The following PEAK1 variants were observed in gnomAD, a reference collection of about 807,000 sequenced individuals.
The protein encoded by PEAK1 is pseudopodium enriched atypical kinase 1, also known as inactive tyrosine-protein kinase PEAK1.
In PEAK1, 54 loss-of-function variants were observed where a neutral mutation model predicts 124.7. That is an observed-to-expected ratio of 0.43 (90% CI 0.35 to 0.54). The LOEUF (loss-of-function observed/expected upper bound fraction) is 0.54. Ranked by LOEUF, PEAK1 falls within the 20% of genes least tolerant of loss-of-function variation. The pLI, the probability that PEAK1 is intolerant of heterozygous loss-of-function variation, is 0.01. For synonymous variants in PEAK1, 719 were observed against 760.0 expected (o/e 0.95, Z 0.89); for missense variants, 2,046 against 2,134.5 (o/e 0.96, Z 0.82).
intron 1 of PEAK1, among the ~76,000 whole-genome samples, chr15:77,367,581 G>A (rs1407170382): frequency 6.6e-6 from 1 of 152,038 alleles, no homozygotes; most frequent in African/African-American, 2.4e-5. Context: ...TCATCTGTTG[G>A]GTAATTTGAA....
At chr15:77,316,728 AT>A (rs1376279910) in intron 2 of PEAK1, among the ~76,000 whole-genome samples, 3 of 152,222 alleles carry the variant, frequency 2.0e-5, no homozygotes, top group African/African-American at 7.2e-5. Flanking sequence ...AAGTAACAAC[AT>A]AGCTATTAAA....
At chr15:77,143,277 A>T (rs938267670) in intron 8 of PEAK1, among the ~76,000 whole-genome samples, 17 of 152,224 alleles carry the variant, frequency 1.1e-4, no homozygotes, top group Non-Finnish European at 2.4e-4. Flanking sequence ...ATGAAGCACC[A>T]CGGAGAAGGT....
At chr15:77,246,827 G>A (rs1202910089) in intron 6 of PEAK1, among the ~76,000 whole-genome samples, 6 of 152,014 alleles carry the variant, frequency 3.9e-5, no homozygotes, top group African/African-American at 1.4e-4. Context: ...AGACCAGTCT[G>A]GCCAACATAG....
At chr15:77,382,965 T>C (rs1256468341) in intron 1 of PEAK1, among the ~76,000 whole-genome samples, 1 of 151,672 alleles carries the variant, frequency 6.6e-6, no homozygotes, top group African/African-American at 2.4e-5. Context: ...AATGTATTAA[T>C]ACATCAGCTT....
chr15:77,337,501 T>A (rs2066275683), intron 2 of PEAK1: 2 of 984,748 alleles, frequency 2.0e-6, no homozygotes, highest in Non-Finnish European at 2.4e-6. Flanking sequence ...CATCCTGACA[T>A]ACAAAGATCC....
At chr15:77,176,797 C>T (rs761936388) in intron 7 of PEAK1, among the ~76,000 whole-genome samples, 4 of 152,074 alleles carry the variant, frequency 2.6e-5, no homozygotes, top group Non-Finnish European at 4.4e-5. Flanking sequence ...AGAAAGAAGC[C>T]GAACATTTCT....
At position 77,141,872 on chromosome 15, in the gene PEAK1, C is replaced by G. The variant is rs1218730173; in HGVS notation, c.3332-8122G>C. On this transcript the variant is annotated intron_variant, in intron 8 of 9. Transcript: ENST00000682557. ...TGTATGAAAAATTTAAATATAAGAG[C>G]TAAAACTAAAAACTCTTAGAAAAAA... 2.6e-5 allele frequency among the ~76,000 whole-genome samples: 4 copies of G among 151,926 alleles called. No homozygotes were observed. In the South Asian group the frequency reaches 8.3e-4, roughly 32 times the overall value.
intron 1 of PEAK1, among the ~76,000 whole-genome samples, chr15:77,389,020 T>C (rs1045589665): frequency 1.3e-4 from 19 of 150,254 alleles, no homozygotes; most frequent in Admixed American, 9.3e-4. Context: ...TGGAGTGCAA[T>C]GGTGCTATCT....
At chr15:77,323,611 C>T (rs1300150768) in intron 2 of PEAK1, among the ~76,000 whole-genome samples, 2 of 152,154 alleles carry the variant, frequency 1.3e-5, no homozygotes, top group African/African-American at 4.8e-5. Context: ...GAACTACAAA[C>T]CACTGCTCAA....
chr15:77,418,017 T>C, intron 1 of PEAK1: 1 of 976,844 alleles, frequency 1.0e-6, no homozygotes, highest in Non-Finnish European at 1.2e-6. Context: ...AACATATTTT[T>C]TAATGTGATT....
At chr15:77,417,458 G>A in intron 1 of PEAK1, 1 of 870,948 alleles carries the variant, frequency 1.1e-6, no homozygotes, top group Non-Finnish European at 1.4e-6. Flanking sequence ...GGGATGCGGG[G>A]CGGGGGGGGA....
intron 2 of PEAK1, among the ~76,000 whole-genome samples, chr15:77,339,886 T>C (rs1397145679): frequency 6.6e-6 from 1 of 152,202 alleles, no homozygotes; most frequent in African/African-American, 2.4e-5. Flanking sequence ...AATAAGCATA[T>C]GTTAAGAGGC....
chr15:77,274,893 T>C (rs979662840), intron 5 of PEAK1, among the ~76,000 whole-genome samples: 5 of 152,042 alleles, frequency 3.3e-5, no homozygotes, highest in South Asian at 2.1e-4. Context: ...CAATTCAAAA[T>C]TGCAAAAATA....
chr15:77,156,975 C>T (rs2055209884), intron 8 of PEAK1: 1 of 152,080 alleles, frequency 6.6e-6, no homozygotes. Flanking sequence ...GTATGTTTCC[C>T]CTACTCCCAA....
At chr15:77,418,096 T>C (rs548233518) in intron 1 of PEAK1, 1 of 984,146 alleles carries the variant, frequency 1.0e-6, no homozygotes, top group Non-Finnish European at 1.2e-6. Context: ...AAAAATGAAT[T>C]TTGAATGTTA....
At chr15:77,279,035 T>TG (rs1234688792) in intron 5 of PEAK1, among the ~76,000 whole-genome samples, 1 of 151,878 alleles carries the variant, frequency 6.6e-6, no homozygotes, top group Non-Finnish European at 1.5e-5. Context: ...TTCACCATGT[T>TG]GGTCAAGCTG....
chr15:77,216,809 T>TA (rs2059168606), intron 6 of PEAK1, among the ~76,000 whole-genome samples: 1 of 152,156 alleles, frequency 6.6e-6, no homozygotes. Flanking sequence ...CCAAAACCAT[T>TA]ACTCCTAGAT....
In PEAK1 at chr15:77,181,922, G is replaced by A. The variant is rs766500839; in HGVS notation, c.5C>T (p.Ser2Phe). Residue 2 changes from serine to phenylalanine, a missense_variant, in exon 7 of 10, where the codon TCT becomes TTT. Coordinates refer to ENST00000682557, the MANE Select transcript of PEAK1 (RefSeq NM_001385026.1). ...ATGTTCAGTAAAGGTGTTACAAGCA[G>A]ACATTTTTAAAAATAGAACTTCACA... is the stretch of plus-strand genomic sequence containing the variant. M[S>F]ACNTFTEHVW... 6.5e-7 allele frequency: 1 copy of A among 1,545,022 alleles called. No homozygotes were observed. The highest frequency in any genetic ancestry group is 1.2e-5 in the South Asian group (1 of 80,256).
rs917514031 is a variant in PEAK1, at chr15:77,181,018, T to G, written c.909A>C (p.Arg303Ser). ...TIPLRNKSLQ[R>S]ICAVDYDDSY... ...TGTCATCATAGTCCACAGCACAGATTCTCTGCAGAGACTTGTTTCGCAGGG... is the reference window on the plus strand; with the variant it reads ...TGTCATCATAGTCCACAGCACAGATGCTCTGCAGAGACTTGTTTCGCAGGG... The change falls in exon 7 of 10, where the codon AGA becomes AGC. Residue 303 changes from arginine to serine, a missense_variant. Physicochemically the swap from Arg to Ser is moderately radical, Grantham distance 110. Transcript: ENST00000682557. 6.2e-7 allele frequency: 1 copy of G among 1,614,178 alleles called. No homozygotes were observed. Among genetic ancestry groups the G allele is most frequent in the Non-Finnish European group, 8.5e-7 (1 of 1,180,016 alleles).
Sources: gnomAD v4.1 joint callset for allele counts (sites outside exome capture counted in the v4.1 genomes callset) on GRCh38, gnomAD v4.1.1 for gene constraint, MANE v1.5 for transcripts, NCBI Gene and HGNC (gene_info 2026-07-23, HGNC 2026-07-21) for gene names.